SULT1B1: variants seen among roughly 807,000 people sequenced by gnomAD.
The protein encoded by SULT1B1 is sulfotransferase family 1B member 1.
In SULT1B1, 28 loss-of-function variants were observed where a neutral mutation model predicts 34.6. The ratio of observed to expected loss-of-function variants is 0.81; its 90% confidence interval spans 0.60 to 1.11. The LOEUF (loss-of-function observed/expected upper bound fraction) is 1.11. Ranked by LOEUF, SULT1B1 falls within the 50% of genes least tolerant of loss-of-function variation. The pLI, the probability that SULT1B1 is intolerant of heterozygous loss-of-function variation, is 0.00. For synonymous variants in SULT1B1, 147 were observed against 110.2 expected (o/e 1.33, Z -2.09); for missense variants, 374 against 352.2 (o/e 1.06, Z -0.50).
intron 6 of SULT1B1, among the ~76,000 whole-genome samples, chr4:69,731,907 CCAAA>C (rs1404306700): frequency 6.6e-6 from 1 of 152,044 alleles, no homozygotes; most frequent in Non-Finnish European, 1.5e-5. Flanking sequence ...TGAATAACAG[CCAAA>C]CAGAGAGAAT....
chr4:69,741,290 C>T (rs1279718122), intron 4 of SULT1B1, among the ~76,000 whole-genome samples: 2 of 152,114 alleles, frequency 1.3e-5, no homozygotes, highest in Admixed American at 6.6e-5. Flanking sequence ...GTTACTGCAG[C>T]CTTGTAGTAT....
chr4:69,736,372 G>T (rs991125429), intron 4 of SULT1B1, among the ~76,000 whole-genome samples: 1 of 152,104 alleles, frequency 6.6e-6, no homozygotes, highest in African/African-American at 2.4e-5. Context: ...CAAGACTAAG[G>T]GACTGCTTGT....
rs772474546 is a variant in SULT1B1, at chr4:69,727,101, C to T, written c.878G>A (p.Arg293His). The change falls in exon 8 of 8, where the codon CGC (arginine) becomes CAC (histidine). Residue 293 changes from arginine (R) to histidine (H), a missense_variant. By Grantham distance (29) the Arg-to-His change is conservative. Coordinates refer to ENST00000310613, the MANE Select transcript of SULT1B1 (RefSeq NM_014465.4). Reference protein sequence around the residue: ...TEMSKTALQFRTEI With the variant: ...TEMSKTALQFHTEI ...GATTTAGACACTTTAAATCTCTGTG[C>T]GGAATTGAAGTGCAGTTTTGGACAT... 8.7e-6 allele frequency: 14 copies of T among 1,602,792 alleles called. No homozygotes were observed. Among genetic ancestry groups the T allele is most frequent in the Middle Eastern group, 1.7e-4 (1 of 6,020 alleles).
rs1256086210 is a variant in SULT1B1 at position 69,754,782 on chromosome 4, A to T, written c.165T>A (p.Ser55Arg). 1 of 1,612,686 alleles carries T rather than the reference A, an allele frequency of 6.2e-7. No homozygotes were observed. The highest frequency in any genetic ancestry group is 1.1e-5 in the South Asian group (1 of 90,840). The stretch of plus-strand genomic sequence containing the variant: ...CATTTAGAATCATGTCTATAATTTC[A>T]CTAACCCAAGTAGTACCTGTGACAA... ...TYPKSGTTWV[S>R]EIIDMILNDG... Residue 55 changes from serine (S) to arginine (R), a missense_variant, in exon 3 of 8, where the codon AGT becomes AGA. Ser to Arg is a moderately radical substitution (Grantham distance 110). Coordinates refer to ENST00000310613, the MANE Select transcript of SULT1B1 (RefSeq NM_014465.4).
At chr4:69,748,250 A>G (rs1718832863) in intron 4 of SULT1B1, among the ~76,000 whole-genome samples, 1 of 152,206 alleles carries the variant, frequency 6.6e-6, no homozygotes, top group Non-Finnish European at 1.5e-5. Flanking sequence ...ATACAAGACA[A>G]GATAGACGTC....
chr4:69,746,008 T>C (rs1197973182), intron 4 of SULT1B1, among the ~76,000 whole-genome samples: 2 of 152,228 alleles, frequency 1.3e-5, no homozygotes, highest in African/African-American at 4.8e-5. Flanking sequence ...GAATTTCCTT[T>C]CTTTAGGAAT....
chr4:69,736,116 T>C (rs924757850), intron 4 of SULT1B1, among the ~76,000 whole-genome samples: 4 of 152,112 alleles, frequency 2.6e-5, no homozygotes, highest in Non-Finnish European at 5.9e-5. Flanking sequence ...AAAGCAAAAC[T>C]AGACTGAACT....
intron 7 of SULT1B1, among the ~76,000 whole-genome samples, chr4:69,728,896 T>TCAATCTGAC (rs1294248803): frequency 4.5e-4 from 69 of 152,104 alleles, no homozygotes; most frequent in African/African-American, 1.4e-3. Context: ...AAACCTCAGA[T>TCAATCTGAC]CAATCTGACC....
intron 4 of SULT1B1, among the ~76,000 whole-genome samples, chr4:69,734,567 T>C (rs544944822): frequency 6.6e-6 from 1 of 152,046 alleles, no homozygotes; most frequent in Admixed American, 6.6e-5. Context: ...ATCTGCAAGG[T>C]CCTAGAACAC....
intron 3 of SULT1B1, among the ~76,000 whole-genome samples, chr4:69,752,865 ACTT>A (rs1719030925): frequency 6.6e-6 from 1 of 152,188 alleles, no homozygotes; most frequent in Non-Finnish European, 1.5e-5. Flanking sequence ...GTCAAGCTTC[ACTT>A]CTTGAATACC....
intron 1 of SULT1B1, among the ~76,000 whole-genome samples, chr4:69,759,437 T>G (rs1047511913): frequency 2.6e-5 from 4 of 152,184 alleles, no homozygotes; most frequent in South Asian, 2.1e-4. Flanking sequence ...AGGCACTTCA[T>G]GCTGTAAAAT....
In SULT1B1 at chr4:69,726,251, T is replaced by C. The variant is rs774089125; in HGVS notation, c.*837A>G. ...GCAGAGGTTATGATCATGTCTAGGA[T>C]ATTAAAGGTGCTATTAAGGTATCCA... On this transcript the variant is annotated 3_prime_UTR_variant, in exon 8 of 8. Coordinates refer to ENST00000310613, the MANE Select transcript of SULT1B1 (RefSeq NM_014465.4). The C allele has an allele frequency of 1.1e-4, 17 of 150,850 alleles. No homozygotes were observed. The highest frequency in any genetic ancestry group is 2.5e-4 in the Non-Finnish European group (17 of 67,664). 9.3% of individuals were successfully genotyped at this position (150,850 alleles called of 1,614,324 possible).
chr4:69,734,876 T>C (rs1467902846), intron 4 of SULT1B1, among the ~76,000 whole-genome samples: 1 of 147,790 alleles, frequency 6.8e-6, no homozygotes, highest in Admixed American at 6.9e-5. Flanking sequence ...TGGAGTGCAG[T>C]GGTGCGATCT....
At chr4:69,733,824 A>T (rs949595944) in intron 5 of SULT1B1, among the ~76,000 whole-genome samples, 1 of 152,160 alleles carries the variant, frequency 6.6e-6, no homozygotes, top group African/African-American at 2.4e-5. Flanking sequence ...TAAATATGAC[A>T]TATGCATTAA....
intron 1 of SULT1B1, among the ~76,000 whole-genome samples, chr4:69,758,660 T>C (rs1190735079): frequency 1.3e-5 from 2 of 152,170 alleles, no homozygotes; most frequent in East Asian, 3.8e-4. Context: ...AGTGAATGAA[T>C]ATTGAGGGAG....
intron 4 of SULT1B1, among the ~76,000 whole-genome samples, chr4:69,744,610 TTC>T (rs1482686126): frequency 6.6e-6 from 1 of 152,224 alleles, no homozygotes; most frequent in South Asian, 2.1e-4. Flanking sequence ...TATTTGGATC[TTC>T]TCTCTTTTTT....
rs1022255613 is a variant in SULT1B1, at chr4:69,725,155, G to A, written c.*1933C>T. On this transcript the variant is annotated 3_prime_UTR_variant, in exon 8 of 8. Coordinates refer to ENST00000310613, the MANE Select transcript of SULT1B1 (RefSeq NM_014465.4). Reference sequence around the variant, plus strand: ...AGGGCTAATATCCAGAATCTACAAAGAACTCAAACAAATTTACAAGAAAAA... The same window carrying A: ...AGGGCTAATATCCAGAATCTACAAAAAACTCAAACAAATTTACAAGAAAAA... The A allele has an allele frequency of 4.0e-5, 6 of 149,896 alleles. No homozygotes were observed. The highest frequency in any genetic ancestry group is 1.5e-4 in the African/African-American group (6 of 40,706). The allele number at this position is 149,896 out of a possible 1,614,324, so 9.3% of individuals were successfully genotyped here. A position where few individuals can be genotyped will look rare whatever the true frequency, so the allele number is the denominator to read the frequency against.
chr4:69,750,876 T>G (rs1463753500), intron 3 of SULT1B1, among the ~76,000 whole-genome samples: 1 of 152,126 alleles, frequency 6.6e-6, no homozygotes, highest in Non-Finnish European at 1.5e-5. Context: ...TAGCACATGG[T>G]TAATATGAAG....
At chr4:69,731,849 T>A (rs1490201365) in intron 6 of SULT1B1, among the ~76,000 whole-genome samples, 1 of 152,110 alleles carries the variant, frequency 6.6e-6, no homozygotes, top group Non-Finnish European at 1.5e-5. Context: ...AAGACAGAAA[T>A]GGTCTCAAAT....
Sources: allele counts gnomAD v4.1 joint callset (sites outside exome capture counted in the v4.1 genomes callset), GRCh38; gene constraint gnomAD v4.1.1; transcripts MANE v1.5; gene names NCBI Gene and HGNC (gene_info 2026-07-23, HGNC 2026-07-21).